Variants in CHN2 observed in about 807,000 individuals in gnomAD.
CHN2 encodes the protein chimerin 2, also known as beta-chimaerin.
CHN2 carries 35 observed loss-of-function variants against 56.3 expected under a neutral mutation model. That is an observed-to-expected ratio of 0.62 (90% CI 0.47 to 0.82). The LOEUF (loss-of-function observed/expected upper bound fraction) is 0.82. Ranked by LOEUF, CHN2 falls within the 40% of genes least tolerant of loss-of-function variation. The pLI, the probability that CHN2 is intolerant of heterozygous loss-of-function variation, is 0.00. For synonymous variants in CHN2, 210 were observed against 212.8 expected (o/e 0.99, Z 0.12); for missense variants, 491 against 580.5 (o/e 0.85, Z 1.58).
intron 6 of CHN2, among the ~76,000 whole-genome samples, chr7:29,440,366 A>G (rs1317631741): frequency 1.3e-5 from 2 of 152,160 alleles, no homozygotes; most frequent in Non-Finnish European, 2.9e-5. Flanking sequence ...GCTTGAATGC[A>G]CAATGGTTAT....
At chr7:29,411,399 A>G (rs1207781192) in intron 6 of CHN2, among the ~76,000 whole-genome samples, 7 of 151,988 alleles carry the variant, frequency 4.6e-5, no homozygotes, top group Non-Finnish European at 7.4e-5. Flanking sequence ...CTTTGTGTCT[A>G]TTTCATCAGG....
intron 1 of CHN2, among the ~76,000 whole-genome samples, chr7:29,324,295 G>A (rs924435769): frequency 5.9e-5 from 9 of 152,132 alleles, no homozygotes; most frequent in African/African-American, 1.7e-4. Flanking sequence ...TTAGCAGCAC[G>A]CATGCATCTC....
At chr7:29,456,182 C>T (rs1007899755) in intron 6 of CHN2, among the ~76,000 whole-genome samples, 2 of 152,224 alleles carry the variant, frequency 1.3e-5, no homozygotes, top group African/African-American at 4.8e-5. Flanking sequence ...CTGACCTTGA[C>T]CTTGGAGTAC....
At chr7:29,297,277 C>G (rs1001732340) in intron 1 of CHN2, among the ~76,000 whole-genome samples, 2 of 152,188 alleles carry the variant, frequency 1.3e-5, no homozygotes, top group Non-Finnish European at 2.9e-5. Context: ...CCTCACCCCC[C>G]ATTCTCCTAG....
chr7:29,235,294 C>T (rs1025774689), intron 1 of CHN2, among the ~76,000 whole-genome samples: 1 of 152,142 alleles, frequency 6.6e-6, no homozygotes, highest in Non-Finnish European at 1.5e-5. Flanking sequence ...TGCTCAACAT[C>T]ACAAACCATT....
At chr7:29,500,654 C>T (rs999238547) in intron 9 of CHN2, among the ~76,000 whole-genome samples, 3 of 151,860 alleles carry the variant, frequency 2.0e-5, no homozygotes, top group Admixed American at 6.6e-5. Context: ...TATTTAAGGA[C>T]GGTGAGAAGG....
chr7:29,188,665 C>G (rs953136633), intron 2 of CHN2, among the ~76,000 whole-genome samples: 1 of 151,990 alleles, frequency 6.6e-6, no homozygotes. Flanking sequence ...AGGATCTGCT[C>G]GGTTCCCTGG....
chr7:29,439,923 G>A (rs575905457), intron 6 of CHN2, among the ~76,000 whole-genome samples: 3 of 152,268 alleles, frequency 2.0e-5, no homozygotes, highest in South Asian at 2.1e-4. Context: ...CAGGCAAACC[G>A]AGTCTTGTGA....
chr7:29,291,311 C>G (rs1223325491), intron 1 of CHN2, among the ~76,000 whole-genome samples: 2 of 152,166 alleles, frequency 1.3e-5, no homozygotes, highest in East Asian at 3.9e-4. Context: ...CCAGCTGCAA[C>G]CAATTATTAT....
intron 1 of CHN2, among the ~76,000 whole-genome samples, chr7:29,282,025 G>A (rs546504934): frequency 1.3e-5 from 2 of 152,092 alleles, no homozygotes; most frequent in African/African-American, 2.4e-5. Flanking sequence ...CGGCAGTGGC[G>A]TGATAGAACA....
Position 29,463,766 on chromosome 7 carries a change from A to G in CHN2, c.577-16513A>G, listed in dbSNP as rs150348151. ...CACCCTGGGCTCTGACTAGCAAGAC[A>G]TCATAGCAGCTCTGAGGGGCCCACA... is the stretch of plus-strand genomic sequence containing the variant. On this transcript the variant is annotated intron_variant, in intron 6 of 12. Transcript: ENST00000222792. Among the ~76,000 whole-genome samples, 44 of 152,342 alleles carry G rather than the reference A, an allele frequency of 2.9e-4. No individual in the cohort carries two copies. In the East Asian group the frequency reaches 8.5e-3, roughly 29 times the overall value.
At chr7:29,200,602 T>G (rs1485940206) in intron 1 of CHN2, 2 of 151,870 alleles carry the variant, frequency 1.3e-5, no homozygotes, top group Non-Finnish European at 2.9e-5. Flanking sequence ...TCTAGGCACC[T>G]TCCTGCTTTT....
At chr7:29,363,684 A>G (rs1279590877) in intron 2 of CHN2, among the ~76,000 whole-genome samples, 1 of 152,218 alleles carries the variant, frequency 6.6e-6, no homozygotes, top group Non-Finnish European at 1.5e-5. Context: ...TGCTGTGAAG[A>G]AACTTAAAAC....
At position 29,433,698 on chromosome 7, in the gene CHN2, G is replaced by A. The variant is rs961664701; in HGVS notation, c.576+32870G>A. ...CTAAAAATACAAAAAAGTTAGTTGG[G>A]TGTGGTGGCACATGCCTGTAATCCC... On this transcript the variant is annotated intron_variant, in intron 6 of 12. Transcript: ENST00000222792. Among the ~76,000 whole-genome samples, 5 of 152,130 alleles carry A rather than the reference G, an allele frequency of 3.3e-5. No homozygotes were observed. The East Asian group carries it at 7.7e-4, about 23-fold the overall frequency.
intron 5 of CHN2, 131 bp downstream of exon 5, chr7:29,398,617 G>C (rs1050820931): frequency 9.4e-6 from 6 of 635,228 alleles, no homozygotes; most frequent in Admixed American, 2.4e-5. Flanking sequence ...ATGTTATGAG[G>C]GGGGGGTCCC....
At chr7:29,465,490 T>A (rs914217697) in intron 6 of CHN2, among the ~76,000 whole-genome samples, 1 of 152,212 alleles carries the variant, frequency 6.6e-6, no homozygotes, top group African/African-American at 2.4e-5. Flanking sequence ...AGGAACCTGC[T>A]ATTACAATAC....
chr7:29,440,671 T>G, intron 6 of CHN2, among the ~76,000 whole-genome samples: 1 of 113,140 alleles, frequency 8.8e-6, no homozygotes, highest in African/African-American at 3.3e-5. Flanking sequence ...GGCAACACAA[T>G]GAGACTCCGT....
chr7:29,446,177 G>C (rs951771765), intron 6 of CHN2, among the ~76,000 whole-genome samples: 2 of 152,142 alleles, frequency 1.3e-5, no homozygotes, highest in African/African-American at 4.8e-5. Context: ...CTACACATTA[G>C]TGTACACTGC....
intron 1 of CHN2, among the ~76,000 whole-genome samples, chr7:29,307,572 A>T (rs2128882969): frequency 6.6e-6 from 1 of 152,358 alleles, no homozygotes; most frequent in South Asian, 2.1e-4. Context: ...ACCCTGGATT[A>T]TCCGAGTGGG....
Sources: allele counts gnomAD v4.1 joint callset (sites outside exome capture counted in the v4.1 genomes callset), GRCh38; gene constraint gnomAD v4.1.1; transcripts MANE v1.5; gene names NCBI Gene and HGNC (gene_info 2026-07-23, HGNC 2026-07-21).